TMEM132D: variants seen among roughly 807,000 people sequenced by gnomAD.
The protein encoded by TMEM132D is mature OL transmembrane protein.
In TMEM132D, 21 loss-of-function variants were observed where a neutral mutation model predicts 62.3. That is an observed-to-expected ratio of 0.34 (90% CI 0.24 to 0.49). TMEM132D has a LOEUF of 0.49. Among genes scored for constraint, TMEM132D ranks in the 20% least tolerant of loss-of-function variants. The pLI is 0.99. For synonymous variants in TMEM132D, 621 were observed against 575.6 expected, an observed-to-expected ratio of 1.08 and a Z score of -1.13; for missense variants, 1,346 against 1,402.8, an observed-to-expected ratio of 0.96 and a Z score of 0.65.
chr12:129,844,100 C>G (rs963857481), intron 1 of TMEM132D, among the ~76,000 whole-genome samples: 2 of 152,014 alleles, frequency 1.3e-5, no homozygotes, highest in African/African-American at 4.8e-5. Context: ...GACTCTGTCT[C>G]GGAAACCAAC....
At chr12:129,129,026 G>A (rs957137069) in intron 5 of TMEM132D, among the ~76,000 whole-genome samples, 10 of 152,066 alleles carry the variant, frequency 6.6e-5, no homozygotes, top group African/African-American at 1.2e-4. Flanking sequence ...ATACATGTAC[G>A]GGGTTTCTAC....
At chr12:129,504,817 T>C (rs553459544) in intron 3 of TMEM132D, among the ~76,000 whole-genome samples, 1 of 152,298 alleles carries the variant, frequency 6.6e-6, no homozygotes, top group Non-Finnish European at 1.5e-5. Context: ...TTGTCTGCTG[T>C]GCTCTTTCAG....
intron 2 of TMEM132D, among the ~76,000 whole-genome samples, chr12:129,553,844 G>C (rs529067652): frequency 6.6e-6 from 1 of 152,116 alleles, no homozygotes; most frequent in Non-Finnish European, 1.5e-5. Flanking sequence ...TGCCCATGAG[G>C]ATCCTCAACC....
rs541954583 is a variant in TMEM132D, at chr12:129,189,799, C to T, written c.1443+19721G>A. ...CAGGCAGAGTCAAGCTTGGCAAAGA[C>T]GTCAGTGTCCTCATCCCTGCAGACT... is the stretch of plus-strand genomic sequence containing the variant. On this transcript the variant is annotated intron_variant, in intron 5 of 8. Coordinates refer to ENST00000422113, the MANE Select transcript of TMEM132D (RefSeq NM_133448.3). 5.3e-5 allele frequency among the ~76,000 whole-genome samples: 8 copies of T among 152,220 alleles called. No homozygotes were observed. In the South Asian group the frequency reaches 1.4e-3, roughly 28 times the overall value.
Position 129,074,301 on chromosome 12 carries a change from C to T in TMEM132D, c.2874G>A (p.Met958Ile), listed in dbSNP as rs753644162. 16 of 1,614,182 alleles carry T rather than the reference C, an allele frequency of 9.9e-6. No homozygotes were observed. Among genetic ancestry groups the T allele is most frequent in the Non-Finnish European group, 1.4e-5 (16 of 1,180,034 alleles). The change falls in exon 9 of 9, where the codon ATG (methionine) becomes ATA (isoleucine). Residue 958 changes from methionine to isoleucine, a missense_variant. Coordinates refer to ENST00000422113, the MANE Select transcript of TMEM132D (RefSeq NM_133448.3). Reference sequence around the variant, plus strand: ...ACCCAACCCAGTCATGAGAGTGACTCATCCCTTCCTGCTCCTCGAAGGGAA... The same window carrying T: ...ACCCAACCCAGTCATGAGAGTGACTTATCCCTTCCTGCTCCTCGAAGGGAA... Reference protein sequence around the residue: ...KQVPFEEQEGMSHSHDWVGLS... With the variant: ...KQVPFEEQEGISHSHDWVGLS...
chr12:129,678,996 C>A (rs1472678578), intron 2 of TMEM132D, among the ~76,000 whole-genome samples: 3 of 151,896 alleles, frequency 2.0e-5, no homozygotes, highest in African/African-American at 7.2e-5. Flanking sequence ...CAGTATCATA[C>A]TATTTTAATT....
rs1875467689 is a variant in TMEM132D, at chr12:129,903,980, C to T, written c.-641G>A. Among the ~76,000 whole-genome samples, 2 of 149,042 alleles carry T rather than the reference C, an allele frequency of 1.3e-5. No homozygotes were observed. Among genetic ancestry groups the T allele is most frequent in the Admixed American group, 6.7e-5 (1 of 14,988 alleles). The stretch of plus-strand genomic sequence containing the variant: ...GCCGCCGCCTCGGCCCGCCCGGCCC[C>T]GGGCCCGGCTGGGGCTCGCGGGGCT... On this transcript the variant is annotated 5_prime_UTR_variant, in exon 1 of 9. Coordinates refer to ENST00000422113, the MANE Select transcript of TMEM132D (RefSeq NM_133448.3). The surrounding 1 kb of genome is among the most constrained non-coding windows in gnomAD (Gnocchi z 6.2).
chr12:129,725,096 G>A (rs994104772), intron 1 of TMEM132D, among the ~76,000 whole-genome samples: 6 of 152,176 alleles, frequency 3.9e-5, no homozygotes, highest in African/African-American at 1.4e-4. Context: ...CCAAGACAGT[G>A]GAGGCTTCAT....
At chr12:129,321,887 G>A (rs192894815) in intron 4 of TMEM132D, among the ~76,000 whole-genome samples, 94 of 152,320 alleles carry the variant, frequency 6.2e-4, no homozygotes, top group African/African-American at 2.0e-3. Context: ...CCATCCATGC[G>A]TGGGACGAAT....
At position 129,368,226 on chromosome 12, in the gene TMEM132D, G is replaced by A. The variant is rs145492513; in HGVS notation, c.1116-30409C>T. Among the ~76,000 whole-genome samples, 416 of 150,792 alleles carry A rather than the reference G, an allele frequency of 2.8e-3. 4 individuals are homozygous for A. The highest frequency in any genetic ancestry group is 9.5e-3 in the African/African-American group (390 of 41,070). On this transcript the variant is annotated intron_variant, in intron 3 of 8. Transcript: ENST00000422113. ...GTCATATGCAGTTAAAACTCCAACT[G>A]AAGATCTACATATGCAAAATGTGTG...
chr12:129,840,433 G>A (rs1873156483), intron 1 of TMEM132D: 2 of 152,150 alleles, frequency 1.3e-5, no homozygotes, highest in Admixed American at 1.3e-4. Flanking sequence ...TTCATTGTAA[G>A]CTCTCAGTAA....
At chr12:129,729,326 C>G (rs966413936) in intron 1 of TMEM132D, among the ~76,000 whole-genome samples, 5 of 152,318 alleles carry the variant, frequency 3.3e-5, no homozygotes, top group Non-Finnish European at 5.9e-5. Context: ...TCAACCTTGA[C>G]GCTACTGACA....
intron 2 of TMEM132D, among the ~76,000 whole-genome samples, chr12:129,631,696 G>A (rs1026913657): frequency 6.6e-5 from 10 of 152,214 alleles, no homozygotes; most frequent in Admixed American, 6.5e-4. Flanking sequence ...GACAAAGTGA[G>A]TGCCAGTGAT....
chr12:129,612,300 C>T (rs1878797835), intron 2 of TMEM132D, among the ~76,000 whole-genome samples: 1 of 152,170 alleles, frequency 6.6e-6, no homozygotes, highest in Non-Finnish European at 1.5e-5. Flanking sequence ...CAGCTCTGCC[C>T]TTTCCATCCT....
chr12:129,466,087 A>G lies in TMEM132D; in HGVS notation c.1115+64972T>C, dbSNP rs528832240. 2.0e-5 allele frequency among the ~76,000 whole-genome samples: 3 copies of G among 152,288 alleles called. No individual in the cohort carries two copies. The South Asian group carries it at 6.2e-4, about 32-fold the overall frequency. On this transcript the variant is annotated intron_variant, in intron 3 of 8. Coordinates refer to ENST00000422113, the MANE Select transcript of TMEM132D (RefSeq NM_133448.3). ...AAGTAAATTGCGTGGCACATTCCTT[A>G]GCACATAACAAGCAAGAAGAAGTCA...
chr12:129,333,687 TG>T (rs997814623), intron 4 of TMEM132D, among the ~76,000 whole-genome samples: 11 of 152,196 alleles, frequency 7.2e-5, no homozygotes, highest in Admixed American at 2.6e-4. Flanking sequence ...ATCTGGCTCC[TG>T]GAATAGCTCA....
intron 5 of TMEM132D, among the ~76,000 whole-genome samples, chr12:129,140,853 A>AAT (rs1389530108): frequency 2.0e-5 from 3 of 151,950 alleles, no homozygotes; most frequent in Middle Eastern, 3.4e-3. Flanking sequence ...AAAAAAAAAA[A>AAT]AATTTCTGTG....
intron 3 of TMEM132D, among the ~76,000 whole-genome samples, chr12:129,456,374 G>C (rs1239809726): frequency 6.6e-6 from 1 of 152,082 alleles, no homozygotes; most frequent in Non-Finnish European, 1.5e-5. Context: ...TGAGGAGAGA[G>C]AACAGATGGA....
intron 2 of TMEM132D, among the ~76,000 whole-genome samples, chr12:129,637,034 C>T (rs265607): frequency 0.99 from 150,810 of 152,236 alleles, 74,715 homozygotes; most frequent in Middle Eastern, 1. Flanking sequence ...ATTTTCAGCA[C>T]GAATTGGAAA....
Sources: allele counts gnomAD v4.1 joint callset (sites outside exome capture counted in the v4.1 genomes callset), GRCh38; gene constraint gnomAD v4.1.1; non-coding constraint Gnocchi (gnomAD v3.1); transcripts MANE v1.5; gene names NCBI Gene and HGNC (gene_info 2026-07-23, HGNC 2026-07-21).